Variants in TPRG1 observed in about 807,000 individuals in gnomAD.
TPRG1 encodes tumor protein p63-regulated gene 1 protein.
A neutral mutation model predicts 29.3 loss-of-function variants in TPRG1; 29 were observed. That is an observed-to-expected ratio of 0.99 (90% CI 0.74 to 1.35). The LOEUF is 1.35. TPRG1 is among the 40% of genes most tolerant of loss of function. The probability of loss-of-function intolerance (pLI) is 0.00; values close to 1 mark genes in which losing one functional copy is unlikely to be tolerated. For missense variants in TPRG1, 327 were observed against 335.0 expected, an observed-to-expected ratio of 0.98 and a Z score of 0.19; for synonymous variants, 130 against 116.8, an observed-to-expected ratio of 1.11 and a Z score of -0.73.
At position 189,207,593 on chromosome 3, in the gene TPRG1, G is replaced by A. The variant is rs1049427740; in HGVS notation, c.209G>A (p.Arg70Gln). ...PYISRKYFAT[R>Q]PGAIETAMED... ...ATCTCACGGAAGTACTTTGCTACAC[G>A]GGTAAATTTATTGGTTCTCTTAAAT... The change falls in exon 2 of 6, where the codon CGG (arginine) becomes CAG (glutamine). Residue 70 changes from arginine (R) to glutamine (Q), a missense_variant and splice_region_variant. Coordinates refer to ENST00000345063, the MANE Select transcript of TPRG1 (RefSeq NM_198485.4). The A allele has an allele frequency of 9.9e-6, 16 of 1,613,528 alleles. No individual in the cohort carries two copies. Among genetic ancestry groups the A allele is most frequent in the Non-Finnish European group, 1.4e-5 (16 of 1,179,780 alleles).
chr3:189,317,071 C>T (rs1048962060), intron 5 of TPRG1, among the ~76,000 whole-genome samples: 1 of 152,146 alleles, frequency 6.6e-6, no homozygotes, highest in Non-Finnish European at 1.5e-5. Context: ...ATAGTGCCAA[C>T]TTTTACTTTC....
intron 4 of TPRG1, among the ~76,000 whole-genome samples, chr3:189,067,562 A>G (rs970637927): frequency 1.3e-5 from 2 of 152,180 alleles, no homozygotes; most frequent in African/African-American, 4.8e-5. Context: ...GAGAAAATAC[A>G]CGGGGGAAAA....
intron 1 of TPRG1, among the ~76,000 whole-genome samples, chr3:189,103,873 C>T (rs576504043): frequency 6.5e-4 from 99 of 152,272 alleles, no homozygotes; most frequent in African/African-American, 2.3e-3. Flanking sequence ...AAAATCACGG[C>T]CCATCACAGT....
chr3:189,021,385 A>G (rs1167525356), intron 3 of TPRG1, among the ~76,000 whole-genome samples: 6 of 151,814 alleles, frequency 4.0e-5, no homozygotes, highest in African/African-American at 1.2e-4. Flanking sequence ...GTTCGTTTCC[A>G]TGTTTAGCGC....
At chr3:189,041,501 C>G (rs1349851746) in intron 4 of TPRG1, among the ~76,000 whole-genome samples, 1 of 152,172 alleles carries the variant, frequency 6.6e-6, no homozygotes, top group African/African-American at 2.4e-5. Context: ...ATTAAGTAAG[C>G]ACTCAATGTG....
intron 4 of TPRG1, among the ~76,000 whole-genome samples, chr3:189,066,492 G>A (rs1173872791): frequency 6.6e-6 from 1 of 152,022 alleles, no homozygotes; most frequent in East Asian, 1.9e-4. Flanking sequence ...ATTCAACCCA[G>A]GGATGCAAGG....
At chr3:189,272,526 C>T (rs1715322385) in intron 4 of TPRG1, among the ~76,000 whole-genome samples, 1 of 152,142 alleles carries the variant, frequency 6.6e-6, no homozygotes, top group Admixed American at 6.6e-5. Flanking sequence ...GAAATCTGGG[C>T]AAGTCTCGTT....
At chr3:189,315,321 G>A (rs1456194053) in intron 5 of TPRG1, among the ~76,000 whole-genome samples, 1 of 150,816 alleles carries the variant, frequency 6.6e-6, no homozygotes, top group Non-Finnish European at 1.5e-5. Context: ...TGTGTAAGGG[G>A]GGGTGAGAAA....
intron 4 of TPRG1, among the ~76,000 whole-genome samples, chr3:189,289,859 A>G (rs1420041958): frequency 6.6e-6 from 1 of 152,204 alleles, no homozygotes; most frequent in Non-Finnish European, 1.5e-5. Context: ...GGGATTACAG[A>G]AAATCTCAGG....
At chr3:189,263,932 T>C (rs1220441487) in intron 4 of TPRG1, among the ~76,000 whole-genome samples, 1 of 152,118 alleles carries the variant, frequency 6.6e-6, no homozygotes, top group Non-Finnish European at 1.5e-5. Context: ...GGTATAGGCG[T>C]GGAGAGGCAG....
chr3:189,293,375 G>A (rs1015049718), intron 4 of TPRG1, among the ~76,000 whole-genome samples: 1 of 152,132 alleles, frequency 6.6e-6, no homozygotes, highest in African/African-American at 2.4e-5. Flanking sequence ...CTCCTGCACT[G>A]AAAACTGAGG....
intron 3 of TPRG1, among the ~76,000 whole-genome samples, chr3:189,236,949 G>A (rs939825372): frequency 6.6e-6 from 1 of 152,164 alleles, no homozygotes; most frequent in Non-Finnish European, 1.5e-5. Context: ...TCCAGCAATA[G>A]TAACAGCTAA....
chr3:189,279,735 G>A (rs1175191731), intron 4 of TPRG1, among the ~76,000 whole-genome samples: 2 of 152,148 alleles, frequency 1.3e-5, no homozygotes, highest in Admixed American at 6.5e-5. Flanking sequence ...AGGAGAAATG[G>A]CATAAACTAA....
intron 4 of TPRG1, among the ~76,000 whole-genome samples, chr3:189,280,385 G>A (rs751060415): frequency 6.6e-6 from 1 of 152,084 alleles, no homozygotes; most frequent in Non-Finnish European, 1.5e-5. Flanking sequence ...TTCCGTATAG[G>A]ATAAAATGTT....
intron 3 of TPRG1, 149 bp from the exon 4 acceptor site, chr3:189,238,584 G>A (rs1739940170): frequency 1.8e-6 from 1 of 551,152 alleles, no homozygotes. Context: ...ACTGAGTGGG[G>A]TAGTGGTGTG....
At chr3:189,112,003 C>A (rs992217567) in intron 1 of TPRG1, among the ~76,000 whole-genome samples, 1 of 152,128 alleles carries the variant, frequency 6.6e-6, no homozygotes. Flanking sequence ...AGTCTTTAAT[C>A]ATAAATGAAT....
intron 4 of TPRG1, among the ~76,000 whole-genome samples, chr3:189,254,261 C>A (rs568993158): frequency 6.6e-6 from 1 of 152,108 alleles, no homozygotes; most frequent in African/African-American, 2.4e-5. Flanking sequence ...TTCCCAACAC[C>A]ACTTATTAAA....
intron 4 of TPRG1, among the ~76,000 whole-genome samples, chr3:189,080,723 G>A (rs1053268487): frequency 6.6e-6 from 1 of 152,084 alleles, no homozygotes; most frequent in Admixed American, 6.6e-5. Context: ...AAAAAACAAG[G>A]AGGTATGAGG....
chr3:189,267,930 G>T (rs1714406743), intron 4 of TPRG1, among the ~76,000 whole-genome samples: 1 of 152,206 alleles, frequency 6.6e-6, no homozygotes, highest in Non-Finnish European at 1.5e-5. Flanking sequence ...GTGTGATCAG[G>T]TCTTGGAGTC....
Sources: allele counts gnomAD v4.1 joint callset (sites outside exome capture counted in the v4.1 genomes callset), GRCh38; gene constraint gnomAD v4.1.1; transcripts MANE v1.5; gene names NCBI Gene and HGNC (gene_info 2026-07-23, HGNC 2026-07-21).